The following CUBN variants were observed in gnomAD, a reference collection of about 807,000 sequenced individuals.
CUBN encodes cubilin.
A neutral mutation model predicts 405.3 loss-of-function variants in CUBN; 282 were observed. The observed-to-expected ratio is 0.70, with a 90% CI of 0.63 to 0.77. The LOEUF is 0.77. Among genes scored for constraint, CUBN ranks in the 30% least tolerant of loss-of-function variants. The pLI is 0.00. For synonymous variants in CUBN, 1,684 were observed against 1,617.0 expected (o/e 1.04, Z -0.99); for missense variants, 4,514 against 4,475.2 (o/e 1.01, Z -0.25).
rs748296425 is a variant in CUBN, at chr10:17,045,031, T to A, written c.3648A>T (p.Pro1216=). ...CAGCCAGGTAATCTAAAGTGCAGTT[T>A]GGATGATGCTCCAAGTGAAAGTCTT... The part of the protein sequence containing the change: ...EFKDFHLEHH[P]NCTLDYLAVY... The change falls in exon 25 of 67, where the codon CCA becomes CCT. Residue 1216 remains proline (P), a synonymous_variant. Coordinates refer to ENST00000377833, the MANE Select transcript of CUBN (RefSeq NM_001081.4). The A allele has an allele frequency of 6.2e-7, 1 of 1,614,090 alleles. No homozygotes were observed. The highest frequency in any genetic ancestry group is 1.1e-5 in the South Asian group (1 of 91,086).
Position 16,947,260 on chromosome 10 carries a change from C to A in CUBN, c.5317G>T (p.Gly1773Cys), listed in dbSNP as rs1564440503. The change falls in exon 36 of 67, where the codon GGC becomes TGC. Residue 1773 changes from glycine (G) to cysteine (C), a missense_variant. By Grantham distance (159) the Gly-to-Cys change is radical (BLOSUM62 -3). Around this residue, in one of 5 missense-constraint regions of CUBN, gnomAD observed 1,613 missense variants for 1,542.8 expected, o/e 1.05. Transcript: ENST00000377833. ...ATAAAAGACAGCTGGAGCCGGTTGC[C>A]AGGGGAACTGACGATGTTCCAGACA... ...ECVWNIVSSPGNRLQLSFISF... is the reference protein window; with the variant it reads ...ECVWNIVSSPCNRLQLSFISF... 7 of 1,613,978 alleles carry A rather than the reference C, an allele frequency of 4.3e-6. No individual in the cohort carries two copies. The highest frequency in any genetic ancestry group is 5.9e-6 in the Non-Finnish European group (7 of 1,180,004).
rs759618283 is a variant in CUBN, at chr10:16,835,150, G to A, written c.10226C>T (p.Pro3409Leu). 6.2e-7 allele frequency: 1 copy of A among 1,614,150 alleles called. No individual in the cohort carries two copies. Among genetic ancestry groups the A allele is most frequent in the Non-Finnish European group, 8.5e-7 (1 of 1,180,010 alleles). ...YHKAFGNLRS[P>L]GWPDNYDNDK... ...ATTGTCGTAGTTATCTGGCCATCCAGGGCTTCTCAGGTTGCCAAATGCCTT... is the reference window on the plus strand; with the variant it reads ...ATTGTCGTAGTTATCTGGCCATCCAAGGCTTCTCAGGTTGCCAAATGCCTT... Residue 3409 changes from proline (P) to leucine (L), a missense_variant, in exon 64 of 67, where the codon CCT becomes CTT. Pro to Leu is a moderately conservative substitution (Grantham distance 98). Coordinates refer to ENST00000377833, the MANE Select transcript of CUBN (RefSeq NM_001081.4).
intron 27 of CUBN, among the ~76,000 whole-genome samples, chr10:17,032,862 C>G (rs922647169): frequency 6.6e-6 from 1 of 152,164 alleles, no homozygotes; most frequent in African/African-American, 2.4e-5. Context: ...GCGTCCAGTT[C>G]TATCTATCAG....
intron 59 of CUBN, among the ~76,000 whole-genome samples, chr10:16,862,160 T>TCTCACACACACACACACACACA (rs144560387): frequency 7.6e-5 from 10 of 131,204 alleles, no homozygotes; most frequent in African/African-American, 2.9e-4. Flanking sequence ...TCTCTCTCTC[T>TCTCACACACACACACACACACA]CACACACACA....
intron 33 of CUBN, 127 bp from the exon 34 acceptor site, chr10:16,950,238 T>C (rs181272552): frequency 1.5e-6 from 1 of 687,108 alleles, no homozygotes; most frequent in African/African-American, 1.8e-5. Context: ...GTAAGACCTG[T>C]TTGATAGCAC....
chr10:16,966,341 G>T (rs2131660495), intron 31 of CUBN, among the ~76,000 whole-genome samples: 1 of 152,216 alleles, frequency 6.6e-6, no homozygotes, highest in South Asian at 2.1e-4. Flanking sequence ...ACATAAACTT[G>T]ATTCTATTCC....
In CUBN at chr10:17,100,129, T is replaced by C. The variant is rs1836463841; in HGVS notation, c.1641A>G (p.Arg547=). ...GDSSSAFQLG[R]FCGSSLPHEL... is the part of the protein sequence containing the mutation. ...CATGAGGGAGGCTGGAGCCACAAAA[T>C]CTTCCAAGTTGAAAAGCAGAAGAGG... Residue 547 remains arginine (R), a synonymous_variant, in exon 14 of 67, where the codon AGA becomes AGG. Transcript: ENST00000377833. The C allele has an allele frequency of 1.2e-6, 2 of 1,613,916 alleles. No individual in the cohort carries two copies. Among genetic ancestry groups the C allele is most frequent in the Non-Finnish European group, 1.7e-6 (2 of 1,179,862 alleles).
At chr10:16,915,282 C>G in intron 46 of CUBN, 110 bp from the exon 47 acceptor site, 1 of 1,296,264 alleles carries the variant, frequency 7.7e-7, no homozygotes, top group Non-Finnish European at 1.1e-6. Context: ...AAGACCCTGC[C>G]TATGAAGAAA....
chr10:16,950,218 G>C, intron 33 of CUBN, 107 bp from the exon 34 acceptor site: 1 of 734,868 alleles, frequency 1.4e-6, no homozygotes, highest in South Asian at 1.5e-5. Flanking sequence ...ATAAAAAATA[G>C]AAGGAATGAG....
Position 17,048,407 on chromosome 10 carries a change from C to T in CUBN, c.3140-804G>A, listed in dbSNP as rs528442608. ...TATTCAGTCGATTCTGTGTTTATTACCACCCACTCAATCTCCTATGCCCTC... is the reference window on the plus strand; with the variant it reads ...TATTCAGTCGATTCTGTGTTTATTATCACCCACTCAATCTCCTATGCCCTC... On this transcript the variant is annotated intron_variant, in intron 22 of 66. Coordinates refer to ENST00000377833, the MANE Select transcript of CUBN (RefSeq NM_001081.4). Among the ~76,000 whole-genome samples the T allele has an allele frequency of 5.1e-4, 77 of 152,272 alleles. 1 individual carries two copies. Among genetic ancestry groups the T allele is most frequent in the African/African-American group, 1.6e-3 (65 of 41,564 alleles).
intron 27 of CUBN, among the ~76,000 whole-genome samples, chr10:17,035,095 AC>A (rs1564489126): frequency 4.6e-5 from 7 of 151,746 alleles, no homozygotes; most frequent in Non-Finnish European, 7.4e-5. Context: ...AAAAAAATAA[AC>A]AAATGAAAAC....
At chr10:16,869,379 G>C (rs1458359102) in intron 59 of CUBN, among the ~76,000 whole-genome samples, 1 of 151,800 alleles carries the variant, frequency 6.6e-6, no homozygotes, top group African/African-American at 2.4e-5. Flanking sequence ...TGGCCAGGCT[G>C]GTCTTGAACT....
intron 66 of CUBN, among the ~76,000 whole-genome samples, chr10:16,825,873 T>C (rs1838761648): frequency 6.6e-6 from 1 of 151,940 alleles, no homozygotes. Context: ...CACAGGCTTA[T>C]TTCCAAGATA....
intron 39 of CUBN, 25 bp from the exon 40 acceptor site, chr10:16,933,309 TG>T: frequency 6.2e-7 from 1 of 1,608,362 alleles, no homozygotes; most frequent in Admixed American, 1.7e-5. Context: ...GCAACATCTT[TG>T]ACACAGCCCT....
rs370098497 is a variant in CUBN, at chr10:16,977,814, T to A, written c.4695+4670A>T. On this transcript the variant is annotated intron_variant, in intron 31 of 66. Coordinates refer to ENST00000377833, the MANE Select transcript of CUBN (RefSeq NM_001081.4). ...TCTCCCCGGCTCCTGCACCCCTGTC[T>A]GCATGTTTCCCTGCCCATAAGGGGT... 5.9e-5 allele frequency among the ~76,000 whole-genome samples: 9 copies of A among 152,332 alleles called. No individual in the cohort carries two copies. In the South Asian group the frequency reaches 1.7e-3, roughly 28 times the overall value.
chr10:17,006,035 A>T (rs1834013731), intron 28 of CUBN, among the ~76,000 whole-genome samples: 1 of 152,170 alleles, frequency 6.6e-6, no homozygotes, highest in African/African-American at 2.4e-5. Context: ...CAAGCCAAGG[A>T]GAGAGGCCTC....
intron 14 of CUBN, among the ~76,000 whole-genome samples, chr10:17,099,170 T>TA (rs1475795194): frequency 3.9e-5 from 6 of 152,022 alleles, no homozygotes; most frequent in Non-Finnish European, 8.8e-5. Context: ...AAAACACCAG[T>TA]AAAAAAGATG....
intron 31 of CUBN, among the ~76,000 whole-genome samples, chr10:16,964,889 T>C (rs1207107595): frequency 6.6e-6 from 1 of 152,236 alleles, no homozygotes; most frequent in Non-Finnish European, 1.5e-5. Context: ...CCTAGGCTTG[T>C]ATAGACAACT....
chr10:16,827,545 A>C (rs1838819118), intron 66 of CUBN, among the ~76,000 whole-genome samples: 2 of 152,346 alleles, frequency 1.3e-5, no homozygotes, highest in Admixed American at 6.5e-5. Context: ...CTAAGTGATT[A>C]AAGGGCAGAA....
Sources: gnomAD v4.1 joint callset for allele counts (sites outside exome capture counted in the v4.1 genomes callset) on GRCh38, gnomAD v4.1.1 for gene constraint, gnomAD v4.1.1 regional missense constraint, MANE v1.5 for transcripts, NCBI Gene and HGNC (gene_info 2026-07-23, HGNC 2026-07-21) for gene names.